UBE2W: variants seen among roughly 807,000 people sequenced by gnomAD.
UBE2W encodes the protein ubiquitin conjugating enzyme E2 W, also known as ubiquitin-conjugating enzyme E2 W.
Under a neutral mutation model 27.2 loss-of-function variants are expected in UBE2W, and 18 were observed. That is an observed-to-expected ratio of 0.66 (90% confidence interval 0.46 to 0.98). The LOEUF is 0.98. Among genes scored for constraint, UBE2W ranks in the 50% least tolerant of loss-of-function variants. UBE2W has a pLI of 0.00. For missense variants in UBE2W, 90 were observed against 180.2 expected (o/e 0.50, Z 2.87); for synonymous variants, 53 against 57.2 (o/e 0.93, Z 0.33).
intron 1 of UBE2W, among the ~76,000 whole-genome samples, chr8:73,849,827 A>G (rs1178484250): frequency 1.3e-5 from 2 of 152,148 alleles, no homozygotes; most frequent in African/African-American, 4.8e-5. Context: ...GTCAAAGGAT[A>G]GAAAAAAGAT....
At chr8:73,878,289 G>C (rs892429858) in intron 1 of UBE2W, among the ~76,000 whole-genome samples, 3 of 152,242 alleles carry the variant, frequency 2.0e-5, no homozygotes, top group Non-Finnish European at 4.4e-5. Context: ...CAGTCTGGGG[G>C]GCCCGGCGTG....
At chr8:73,850,285 C>T (rs970424544) in intron 1 of UBE2W, among the ~76,000 whole-genome samples, 2 of 152,032 alleles carry the variant, frequency 1.3e-5, no homozygotes, top group African/African-American at 2.4e-5. Context: ...AACTCATGTA[C>T]TATCAGTAAG....
Position 73,787,062 on chromosome 8 carries a change from CTTA to C in UBE2W, c.*7037_*7039del. The C allele has an allele frequency of 1.0e-6, 1 of 985,428 alleles. No individual in the cohort carries two copies. Among genetic ancestry groups the C allele is most frequent in the South Asian group, 4.7e-5 (1 of 21,290 alleles). The allele number at this position is 985,428 out of a possible 1,614,324, so 61.0% of individuals were successfully genotyped here. ...TTCCTACCTTAGTTGATAAACTTTC[CTTA>C]TTATTTCCATAATCCACTTAACTGT... On this transcript the variant is annotated 3_prime_UTR_variant, in exon 6 of 6. Coordinates refer to ENST00000602593, the MANE Select transcript of UBE2W (RefSeq NM_018299.6).
chr8:73,872,408 T>C (rs1812039126), intron 1 of UBE2W, among the ~76,000 whole-genome samples: 1 of 152,222 alleles, frequency 6.6e-6, no homozygotes, highest in African/African-American at 2.4e-5. Flanking sequence ...ATTTATATAA[T>C]ATACCAAAAA....
In UBE2W at chr8:73,830,370, T is replaced by A; in HGVS notation, c.107+11A>T. On this transcript the variant is annotated intron_variant, in intron 2 of 5. Transcript: ENST00000602593. The stretch of plus-strand genomic sequence containing the variant: ...ATAAAACAAAGAGCCCTTTTAAAAT[T>A]AAATACTTACTGTGTAATTGAATTT... 1 of 1,594,798 alleles carries A rather than the reference T, an allele frequency of 6.3e-7. No homozygotes were observed. Among genetic ancestry groups the A allele is most frequent in the Non-Finnish European group, 8.6e-7 (1 of 1,164,930 alleles).
intron 1 of UBE2W, among the ~76,000 whole-genome samples, chr8:73,873,604 C>T (rs1329845254): frequency 6.6e-6 from 1 of 152,096 alleles, no homozygotes; most frequent in African/African-American, 2.4e-5. Context: ...TGCAGTGAGC[C>T]AAGACCACGT....
At chr8:73,867,428 G>A (rs940518636) in intron 1 of UBE2W, among the ~76,000 whole-genome samples, 2 of 151,486 alleles carry the variant, frequency 1.3e-5, no homozygotes, top group Non-Finnish European at 2.9e-5. Flanking sequence ...CCAGCTACTC[G>A]GGAGGCTGAA....
intron 3 of UBE2W, among the ~76,000 whole-genome samples, chr8:73,816,102 A>G (rs1253213714): frequency 3.3e-5 from 5 of 152,208 alleles, no homozygotes; most frequent in African/African-American, 1.2e-4. Context: ...GCAAGCATCC[A>G]TAAGTGTTCC....
chr8:73,834,839 G>T (rs1810240132), intron 1 of UBE2W, among the ~76,000 whole-genome samples: 1 of 152,182 alleles, frequency 6.6e-6, no homozygotes, highest in African/African-American at 2.4e-5. Context: ...AACTCGGGAG[G>T]CGGAGGTTGC....
At chr8:73,839,593 T>A (rs988383541) in intron 1 of UBE2W, among the ~76,000 whole-genome samples, 2 of 151,178 alleles carry the variant, frequency 1.3e-5, no homozygotes, top group Non-Finnish European at 2.9e-5. Context: ...GGAGGCAGAG[T>A]TTGCAGTGAG....
At chr8:73,873,555 C>A (rs1240285492) in intron 1 of UBE2W, among the ~76,000 whole-genome samples, 1 of 152,030 alleles carries the variant, frequency 6.6e-6, no homozygotes, top group East Asian at 1.9e-4. Context: ...GCTTGGGAGT[C>A]TGAAGTGGGA....
chr8:73,813,083 C>CAAAAAAAAAA lies in UBE2W; in HGVS notation c.211-2464_211-2455dup, dbSNP rs56094830. Among the ~76,000 whole-genome samples the CAAAAAAAAAA allele has an allele frequency of 4.4e-3, 193 of 43,456 alleles. 31 individuals are homozygous for CAAAAAAAAAA. The highest frequency in any genetic ancestry group is 6.0e-3 in the Non-Finnish European group (149 of 24,638). The allele number at this position is 43,456 out of a possible 152,430, so 28.5% of individuals were successfully genotyped here. A position where few individuals can be genotyped will look rare whatever the true frequency, so the allele number is the denominator to read the frequency against. On this transcript the variant is annotated intron_variant, in intron 3 of 5. Coordinates refer to ENST00000602593, the MANE Select transcript of UBE2W (RefSeq NM_018299.6). Reference sequence around the variant, plus strand: ...GAAGAATAGTGATCTGAAAGTGCCACAAAAAAAAAAAAAAAAAAAAAAAAA... The same window carrying CAAAAAAAAAA: ...GAAGAATAGTGATCTGAAAGTGCCACAAAAAAAAAAAAAAAAAAAAAAAAAAAAAAAAAAA...
At chr8:73,861,102 G>C (rs1185377205) in intron 1 of UBE2W, among the ~76,000 whole-genome samples, 1 of 152,122 alleles carries the variant, frequency 6.6e-6, no homozygotes, top group African/African-American at 2.4e-5. Flanking sequence ...CTGGGCAACA[G>C]AGTGAGGTCC....
At chr8:73,825,458 T>C (rs1461755695) in intron 2 of UBE2W, among the ~76,000 whole-genome samples, 1 of 152,026 alleles carries the variant, frequency 6.6e-6, no homozygotes, top group African/African-American at 2.4e-5. Context: ...AATAACCAGA[T>C]CAAGGTCAGA....
chr8:73,847,853 GA>G (rs1810881331), intron 1 of UBE2W, among the ~76,000 whole-genome samples: 1 of 151,812 alleles, frequency 6.6e-6, no homozygotes, highest in Admixed American at 6.6e-5. Context: ...CATGAGCCAA[GA>G]TTGTGCCATT....
rs966479670 is a variant in UBE2W at position 73,787,651 on chromosome 8, C to G, written c.*6451G>C. 1 of 985,312 alleles carries G rather than the reference C, an allele frequency of 1.0e-6. No individual in the cohort carries two copies. The highest frequency in any genetic ancestry group is 6.2e-5 in the Admixed American group (1 of 16,252). 61.0% of individuals were successfully genotyped at this position (985,312 alleles called of 1,614,324 possible). A position where few individuals can be genotyped will look rare whatever the true frequency, so the allele number is the denominator to read the frequency against. On this transcript the variant is annotated 3_prime_UTR_variant, in exon 6 of 6. Transcript: ENST00000602593. ...ATTTAATTCCTCCTGTCAGGAATAA[C>G]AGATGCTGAGATAGCCCCTTCTTGT...
intron 1 of UBE2W, among the ~76,000 whole-genome samples, chr8:73,871,888 T>C (rs1378080532): frequency 1.3e-5 from 2 of 152,048 alleles, no homozygotes; most frequent in Non-Finnish European, 2.9e-5. Flanking sequence ...GCACTTTATT[T>C]TTTATTTTTA....
chr8:73,834,782 G>A (rs1451540557), intron 1 of UBE2W, among the ~76,000 whole-genome samples: 2 of 152,108 alleles, frequency 1.3e-5, no homozygotes, highest in Non-Finnish European at 2.9e-5. Flanking sequence ...GGTGGCATGC[G>A]CCTGTAATCC....
intron 3 of UBE2W, among the ~76,000 whole-genome samples, chr8:73,819,570 T>G (rs1317567403): frequency 6.6e-6 from 1 of 152,170 alleles, no homozygotes; most frequent in African/African-American, 2.4e-5. Context: ...TATCCTAGCA[T>G]AAAAAAGCAG....
Sources: allele counts gnomAD v4.1 joint callset (sites outside exome capture counted in the v4.1 genomes callset), GRCh38; gene constraint gnomAD v4.1.1; transcripts MANE v1.5; gene names NCBI Gene and HGNC (gene_info 2026-07-23, HGNC 2026-07-21).